The following SUMF1 variants were observed in gnomAD, a reference collection of about 807,000 sequenced individuals.
SUMF1 encodes the protein formylglycine-generating enzyme.
In SUMF1, 48 loss-of-function variants were observed where a neutral mutation model predicts 47.6. The observed-to-expected ratio is 1.01, with a 90% CI of 0.80 to 1.28. The LOEUF is 1.28. Among genes scored for constraint, SUMF1 ranks in the 50% most tolerant of loss-of-function variants. SUMF1 has a pLI of 0.00. For synonymous variants in SUMF1, 230 were observed against 192.1 expected (o/e 1.20, Z -1.63); for missense variants, 571 against 485.4 (o/e 1.18, Z -1.66).
chr3:4,349,238 A>G (rs376248428), intron 8 of SUMF1, among the ~76,000 whole-genome samples: 6 of 152,390 alleles, frequency 3.9e-5, no homozygotes, highest in African/African-American at 1.4e-4. Flanking sequence ...CAATGGACAT[A>G]TGAAAAAAAG....
intron 8 of SUMF1, among the ~76,000 whole-genome samples, chr3:4,298,594 G>C (rs1168492060): frequency 1.3e-5 from 2 of 152,132 alleles, no homozygotes; most frequent in East Asian, 1.9e-4. Context: ...GCAAATATAG[G>C]AGTGTGGTTC....
chr3:4,082,898 G>A (rs1692597327), intron 8 of SUMF1, among the ~76,000 whole-genome samples: 1 of 152,064 alleles, frequency 6.6e-6, no homozygotes, highest in East Asian at 1.9e-4. Flanking sequence ...ATCTATGTCT[G>A]TTTAAACTCT....
chr3:4,304,417 C>T (rs1244148076), intron 8 of SUMF1, among the ~76,000 whole-genome samples: 3 of 152,246 alleles, frequency 2.0e-5, no homozygotes, highest in Non-Finnish European at 4.4e-5. Flanking sequence ...GCTGGGATTA[C>T]AGGCATGAGC....
rs186832427 is a variant in SUMF1 at position 4,405,318 on chromosome 3, G to T, written c.954+5547C>A. On this transcript the variant is annotated intron_variant, in intron 7 of 8. Transcript: ENST00000272902. ...GGATAGGCAAGAGCTCAGAGGGGTG[G>T]CCTCTGCACACCACAGGAGACAGAC... Among the ~76,000 whole-genome samples, 468 of 152,286 alleles carry T rather than the reference G, an allele frequency of 3.1e-3. 5 individuals carry two copies. The highest frequency in any genetic ancestry group is 0.011 in the African/African-American group (455 of 41,568).
intron 3 of SUMF1, among the ~76,000 whole-genome samples, chr3:4,435,997 C>T (rs988625966): frequency 2.0e-5 from 3 of 152,104 alleles, no homozygotes; most frequent in Non-Finnish European, 2.9e-5. Context: ...AAAATATGTA[C>T]GAGGCGGGGT....
intron 8 of SUMF1, among the ~76,000 whole-genome samples, chr3:4,100,105 T>C (rs985512275): frequency 1.7e-4 from 25 of 150,922 alleles, no homozygotes; most frequent in African/African-American, 5.8e-4. Context: ...TATTAAATTG[T>C]CTATAGTAAC....
chr3:4,289,136 G>T (rs1005599344), intron 8 of SUMF1, among the ~76,000 whole-genome samples: 1 of 152,210 alleles, frequency 6.6e-6, no homozygotes, highest in Non-Finnish European at 1.5e-5. Context: ...AACACTGAAA[G>T]CAACTACGAG....
intron 8 of SUMF1, among the ~76,000 whole-genome samples, chr3:4,342,970 AG>A (rs1370617505): frequency 6.6e-6 from 1 of 152,262 alleles, no homozygotes; most frequent in East Asian, 1.9e-4. Flanking sequence ...GGGATAAAAA[AG>A]CCCCACGGCT....
intron 9 of SUMF1, among the ~76,000 whole-genome samples, chr3:4,034,972 G>A (rs1322386651): frequency 1.3e-5 from 2 of 151,686 alleles, no homozygotes; most frequent in Non-Finnish European, 2.9e-5. Flanking sequence ...CCAGACCAAG[G>A]TCAGCAAAGG....
chr3:4,163,942 T>A (rs1247385079), intron 8 of SUMF1, among the ~76,000 whole-genome samples: 1 of 152,060 alleles, frequency 6.6e-6, no homozygotes, highest in Middle Eastern at 3.2e-3. Flanking sequence ...GTACTGAGAA[T>A]CACCTGTGAG....
chr3:4,199,521 C>A (rs964190995), intron 8 of SUMF1, among the ~76,000 whole-genome samples: 1 of 152,066 alleles, frequency 6.6e-6, no homozygotes, highest in Non-Finnish European at 1.5e-5. Context: ...ATGGTAATTA[C>A]GTGTTCAACT....
At chr3:4,061,009 A>G (rs1695268852) in intron 9 of SUMF1, among the ~76,000 whole-genome samples, 2 of 152,166 alleles carry the variant, frequency 1.3e-5, no homozygotes, top group African/African-American at 2.4e-5. Context: ...GTCTGTTTCC[A>G]ATACTTTGTG....
At chr3:4,083,213 T>C (rs1245069340) in intron 8 of SUMF1, among the ~76,000 whole-genome samples, 2 of 152,200 alleles carry the variant, frequency 1.3e-5, no homozygotes, top group African/African-American at 4.8e-5. Context: ...GTTAATATTG[T>C]AATTCAAACT....
chr3:4,281,284 CTT>C (rs1697524326), intron 8 of SUMF1, among the ~76,000 whole-genome samples: 2 of 151,992 alleles, frequency 1.3e-5, no homozygotes, highest in Admixed American at 6.6e-5. Context: ...CAAGGAGACT[CTT>C]TGTGATGTTA....
At chr3:4,427,027 C>G (rs923895860) in intron 3 of SUMF1, among the ~76,000 whole-genome samples, 3 of 152,158 alleles carry the variant, frequency 2.0e-5, no homozygotes, top group African/African-American at 4.8e-5. Context: ...GGGGACATAA[C>G]CAGACTTGTA....
At chr3:4,190,515 T>C (rs2125142187) in intron 8 of SUMF1, among the ~76,000 whole-genome samples, 1 of 143,400 alleles carries the variant, frequency 7.0e-6, no homozygotes, top group East Asian at 1.9e-4. Flanking sequence ...GCATTATTAA[T>C]ACGAGCTCTG....
At chr3:4,306,152 G>C (rs1698179885) in intron 8 of SUMF1, among the ~76,000 whole-genome samples, 1 of 152,178 alleles carries the variant, frequency 6.6e-6, no homozygotes, top group South Asian at 2.1e-4. Flanking sequence ...GCGTGTGTGT[G>C]TGCGTTTGAG....
At chr3:4,065,269 T>A (rs80342198) in intron 9 of SUMF1, among the ~76,000 whole-genome samples, 18,533 of 152,112 alleles carry the variant, frequency 0.12, 1,298 homozygotes, top group African/African-American at 0.19. Flanking sequence ...TACCTCTCCA[T>A]CTGCTCATCT....
chr3:4,270,638 T>G (rs1047129093), intron 8 of SUMF1, among the ~76,000 whole-genome samples: 19 of 152,112 alleles, frequency 1.2e-4, no homozygotes, highest in Non-Finnish European at 2.8e-4. Context: ...CGTCAAAAAA[T>G]AGCATTAAAC....
Sources: gnomAD v4.1 joint callset for allele counts (sites outside exome capture counted in the v4.1 genomes callset) on GRCh38, gnomAD v4.1.1 for gene constraint, MANE v1.5 for transcripts, NCBI Gene and HGNC (gene_info 2026-07-23, HGNC 2026-07-21) for gene names.